The following HAVCR1 variants were observed in gnomAD, a reference collection of about 807,000 sequenced individuals.
The protein encoded by HAVCR1 is hepatitis A virus cellular receptor 1.
Under a neutral mutation model 32.0 loss-of-function variants are expected in HAVCR1, and 34 were observed. The ratio of observed to expected loss-of-function variants is 1.06; its 90% CI spans 0.81 to 1.42. The LOEUF is 1.42. Among genes scored for constraint, HAVCR1 ranks in the 40% most tolerant of loss-of-function variants. The probability of loss-of-function intolerance (pLI) is 0.00; values close to 1 mark genes in which losing one functional copy is unlikely to be tolerated. For missense variants in HAVCR1, 420 were observed against 442.3 expected (o/e 0.95, Z 0.45); for synonymous variants, 178 against 170.3 (o/e 1.05, Z -0.35).
chr5:157,044,505 AAGGAGGAAGGAAG>A lies in HAVCR1; in HGVS notation c.782-1836_782-1824del, dbSNP rs1561590656. On this transcript the variant is annotated intron_variant, in intron 5 of 8. Coordinates refer to ENST00000523175, the MANE Select transcript of HAVCR1 (RefSeq NM_001173393.3). ...GAAGGAAGGAAGGAAGGAAGGAAGGAAGGAGGAAGGAAGGAAAGAAAGAAAGGAAAGAAGAAAG... is the reference window on the plus strand; with the variant it reads ...GAAGGAAGGAAGGAAGGAAGGAAGGAGAAAGAAAGAAAGGAAAGAAGAAAG... Among the ~76,000 whole-genome samples, 35 of 129,034 alleles carry A rather than the reference AAGGAGGAAGGAAG, an allele frequency of 2.7e-4. 3 individuals carry two copies. The highest frequency in any genetic ancestry group is 1.1e-3 in the African/African-American group (34 of 31,994). 84.7% of individuals were successfully genotyped at this position (129,034 alleles called of 152,430 possible). A position where few individuals can be genotyped will look rare whatever the true frequency, so the allele number is the denominator to read the frequency against.
At chr5:157,046,933 T>G (rs1755434378) in intron 5 of HAVCR1, among the ~76,000 whole-genome samples, 1 of 152,162 alleles carries the variant, frequency 6.6e-6, no homozygotes, top group Admixed American at 6.5e-5. Context: ...GAATTAGCTA[T>G]CAACATGAAT....
chr5:157,032,856 T>C lies in HAVCR1; in HGVS notation c.984A>G (p.Leu328=). 2 of 1,561,506 alleles carry C rather than the reference T, an allele frequency of 1.3e-6. No individual in the cohort carries two copies. Among genetic ancestry groups the C allele is most frequent in the Admixed American group, 3.5e-5 (2 of 57,348 alleles). Residue 328 remains leucine, a splice_region_variant and synonymous_variant, in exon 8 of 9, where the codon CTA becomes CTG. Transcript: ENST00000523175. ...GATAGAAATATTTTCGAGCTTACCT[T>C]AGTTGTTGAACCTCCTTTTTGAAGA... ...KYFFKKEVQQ[L]SVSFSSLQIK...
At chr5:157,066,786 G>A in the HAVCR1 span, among the ~76,000 whole-genome samples, 1 of 152,228 alleles carries the variant, frequency 6.6e-6, no homozygotes, top group African/African-American at 2.4e-5. Flanking sequence ...AAAGGAAACA[G>A]TTAAAAGTTA....
chr5:157,047,803 C>T (rs1280050965), intron 5 of HAVCR1, among the ~76,000 whole-genome samples: 1 of 152,108 alleles, frequency 6.6e-6, no homozygotes, highest in Admixed American at 6.5e-5. Flanking sequence ...TGTGGGAACC[C>T]CAACTTGAAA....
At chr5:157,057,820 C>T (rs1280430296) in intron 2 of HAVCR1, 78 bp downstream of exon 2, 7 of 1,016,196 alleles carry the variant, frequency 6.9e-6, no homozygotes, top group Non-Finnish European at 1.1e-5. Context: ...ACCATCCCCT[C>T]CCCTTCCCCT....
At chr5:157,031,592 G>A (rs1377409884) in intron 8 of HAVCR1, among the ~76,000 whole-genome samples, 4 of 152,234 alleles carry the variant, frequency 2.6e-5, no homozygotes, top group Admixed American at 6.5e-5. Flanking sequence ...GGGAGGCCAA[G>A]GTAGGCGGAT....
At chr5:157,063,445 C>A (rs546997616), upstream of HAVCR1, among the ~76,000 whole-genome samples, 6 of 151,880 alleles carry the variant, frequency 4.0e-5, no homozygotes, top group African/African-American at 1.2e-4. Flanking sequence ...ATCACCACAC[C>A]GGCTAATTTT....
At chr5:157,037,382 C>A (rs1561582664) in intron 6 of HAVCR1, 21 bp from the exon 7 acceptor site, 1 of 1,021,472 alleles carries the variant, frequency 9.8e-7, no homozygotes, top group Admixed American at 1.9e-5. Flanking sequence ...AACAACAGAT[C>A]AAAAAAGCAT....
intron 4 of HAVCR1, among the ~76,000 whole-genome samples, chr5:157,049,716 A>G (rs1755629111): frequency 6.6e-6 from 1 of 152,206 alleles, no homozygotes; most frequent in Non-Finnish European, 1.5e-5. Flanking sequence ...AAAGCTGACA[A>G]TATTGCCCAA....
At chr5:157,035,191 C>T (rs562569785) in intron 7 of HAVCR1, among the ~76,000 whole-genome samples, 13 of 151,014 alleles carry the variant, frequency 8.6e-5, no homozygotes, top group Admixed American at 3.9e-4. Context: ...TTTTTTTTGG[C>T]GTACTCAAGT....
intron 6 of HAVCR1, among the ~76,000 whole-genome samples, chr5:157,038,991 T>A (rs1439557666): frequency 6.6e-6 from 1 of 152,070 alleles, no homozygotes; most frequent in African/African-American, 2.4e-5. Context: ...TGGTGATGCA[T>A]GCCTGTGGTC....
intron 5 of HAVCR1, among the ~76,000 whole-genome samples, chr5:157,045,494 T>C (rs1351189983): frequency 2.0e-5 from 3 of 152,192 alleles, no homozygotes; most frequent in Non-Finnish European, 4.4e-5. Context: ...TATACTCTAA[T>C]CATTCAAAGA....
chr5:157,061,826 G>A (rs1057442184), upstream of HAVCR1, among the ~76,000 whole-genome samples: 3 of 152,208 alleles, frequency 2.0e-5, no homozygotes, highest in Non-Finnish European at 4.4e-5. Context: ...AGTGACATGT[G>A]AGAAGAATGG....
At chr5:157,049,399 G>T (rs562490036) in intron 4 of HAVCR1, among the ~76,000 whole-genome samples, 1 of 152,146 alleles carries the variant, frequency 6.6e-6, no homozygotes, top group Non-Finnish European at 1.5e-5. Flanking sequence ...GAGGAAATGC[G>T]ATCTAGATAA....
intron 7 of HAVCR1, among the ~76,000 whole-genome samples, chr5:157,036,265 T>A (rs1754526146): frequency 6.6e-6 from 1 of 151,332 alleles, no homozygotes; most frequent in Non-Finnish European, 1.5e-5. Flanking sequence ...GATCACAAGG[T>A]CAGGAGATCG....
chr5:157,063,421 G>A (rs1284092942), upstream of HAVCR1, among the ~76,000 whole-genome samples: 1 of 151,816 alleles, frequency 6.6e-6, no homozygotes, highest in African/African-American at 2.4e-5. Context: ...AAGAAGCTGG[G>A]ATTACAGGCA....
chr5:157,050,219 T>C (rs750257914), intron 4 of HAVCR1, among the ~76,000 whole-genome samples: 1 of 152,240 alleles, frequency 6.6e-6, no homozygotes, highest in Non-Finnish European at 1.5e-5. Context: ...AGGATGTGGC[T>C]CTCTTTCGGA....
intron 2 of HAVCR1, among the ~76,000 whole-genome samples, chr5:157,055,752 T>C (rs1756091478): frequency 1.3e-5 from 2 of 151,636 alleles, no homozygotes; most frequent in African/African-American, 4.8e-5. Context: ...TAATCCCAGC[T>C]ACTCAGGAGG....
Position 157,037,243 on chromosome 5 carries a change from T to G in HAVCR1, c.952+4A>C, listed in dbSNP as rs1313966345. ...CCCTTAGGAACAATCTCGAAATGAC[T>G]TACTTTTGGCAATGATGACACCCAA... On this transcript the variant is annotated splice_donor_region_variant and intron_variant, in intron 7 of 8. Coordinates refer to ENST00000523175, the MANE Select transcript of HAVCR1 (RefSeq NM_001173393.3). The G allele has an allele frequency of 1.4e-6, 2 of 1,456,472 alleles. No individual in the cohort carries two copies. Among genetic ancestry groups the G allele is most frequent in the South Asian group, 2.3e-5 (2 of 87,850 alleles). The allele number at this position is 1,456,472 out of a possible 1,614,324, so 90.2% of individuals were successfully genotyped here. A position where few individuals can be genotyped will look rare whatever the true frequency, so the allele number is the denominator to read the frequency against.
Sources: allele counts gnomAD v4.1 joint callset (sites outside exome capture counted in the v4.1 genomes callset), GRCh38; gene constraint gnomAD v4.1.1; transcripts MANE v1.5; gene names NCBI Gene and HGNC (gene_info 2026-07-23, HGNC 2026-07-21).